Variants in CHKA observed in about 807,000 individuals in gnomAD.
CHKA encodes the protein CHETK-alpha.
CHKA carries 34 observed loss-of-function variants against 60.1 expected under a neutral mutation model. The ratio of observed to expected loss-of-function variants is 0.57; its 90% CI spans 0.43 to 0.75. The LOEUF (loss-of-function observed/expected upper bound fraction) is 0.75, where lower values mean the gene tolerates loss of function less well. CHKA is among the 30% of genes least tolerant of loss of function. The pLI is 0.00. For missense variants in CHKA, 563 were observed against 561.3 expected, an observed-to-expected ratio of 1.00 and a Z score of -0.03; for synonymous variants, 217 against 223.1, an observed-to-expected ratio of 0.97 and a Z score of 0.24.
intron 1 of CHKA, among the ~76,000 whole-genome samples, chr11:68,105,724 A>G (rs1033522294): frequency 3.3e-5 from 5 of 152,094 alleles, no homozygotes; most frequent in African/African-American, 1.2e-4. Flanking sequence ...AACCTGTAAC[A>G]CAAAGATTTC....
chr11:68,062,545 G>C (rs1487774882), intron 10 of CHKA, among the ~76,000 whole-genome samples: 1 of 152,200 alleles, frequency 6.6e-6, no homozygotes, highest in African/African-American at 2.4e-5. Context: ...GCAGATCAGA[G>C]AGCGTGAGCC....
At chr11:68,057,289 C>T (rs550213935) in intron 11 of CHKA, among the ~76,000 whole-genome samples, 22 of 152,310 alleles carry the variant, frequency 1.4e-4, no homozygotes, top group Admixed American at 1.3e-3. Context: ...CTTTATGTAA[C>T]CCAAGAAATC....
intron 9 of CHKA, among the ~76,000 whole-genome samples, chr11:68,065,341 T>C (rs1725581514): frequency 6.6e-6 from 1 of 152,232 alleles, no homozygotes; most frequent in African/African-American, 2.4e-5. Flanking sequence ...AGTTTGTGTC[T>C]ACATTTAACA....
chr11:68,076,411 T>C (rs1444441864), intron 3 of CHKA, among the ~76,000 whole-genome samples: 1 of 152,198 alleles, frequency 6.6e-6, no homozygotes, highest in Non-Finnish European at 1.5e-5. Context: ...TGTCCAGAGA[T>C]GCAGTCCCCA....
intron 3 of CHKA, among the ~76,000 whole-genome samples, chr11:68,081,198 ACT>A (rs1743680281): frequency 6.6e-6 from 1 of 152,094 alleles, no homozygotes; most frequent in African/African-American, 2.4e-5. Context: ...CACAGTCTAC[ACT>A]CTCAGGAGGA....
chr11:68,078,383 G>A (rs868471414), intron 3 of CHKA, among the ~76,000 whole-genome samples: 10 of 152,206 alleles, frequency 6.6e-5, no homozygotes, highest in Non-Finnish European at 1.5e-4. Context: ...AGGAAGGAGA[G>A]TGGTATTCCC....
intron 3 of CHKA, 91 bp downstream of exon 3, chr11:68,081,313 A>C: frequency 1.0e-6 from 1 of 974,664 alleles, no homozygotes; most frequent in Non-Finnish European, 1.6e-6. Flanking sequence ...TTCCAAGGGT[A>C]GATAAGAGGC....
rs1857885564 is a variant in CHKA, at chr11:68,105,548, AAAAG to A, written c.351-8422_351-8419del. Among the ~76,000 whole-genome samples the A allele has an allele frequency of 1.3e-5, 2 of 151,524 alleles. 1 individual carries two copies. Among genetic ancestry groups the A allele is most frequent in the South Asian group, 4.2e-4 (2 of 4,810 alleles). On this transcript the variant is annotated intron_variant, in intron 1 of 11. Transcript: ENST00000265689. ...AAAAAAAAAAAAAAAAAAGAAAAGA[AAAAG>A]AAAGAAATATGCCATCTCTAATGTC...
intron 1 of CHKA, among the ~76,000 whole-genome samples, chr11:68,105,031 G>A (rs189153284): frequency 1.6e-3 from 245 of 151,844 alleles, no homozygotes; most frequent in African/African-American, 5.6e-3. Flanking sequence ...TTGAACCCGG[G>A]AGATGGAGGC....
intron 1 of CHKA, among the ~76,000 whole-genome samples, chr11:68,113,000 T>C (rs1345285431): frequency 7.5e-6 from 1 of 133,900 alleles, no homozygotes; most frequent in Non-Finnish European, 1.5e-5. Flanking sequence ...GAAAATGGCG[T>C]GAAACCGGGA....
At chr11:68,083,590 C>T (rs1055795314) in intron 2 of CHKA, among the ~76,000 whole-genome samples, 1 of 152,134 alleles carries the variant, frequency 6.6e-6, no homozygotes, top group Non-Finnish European at 1.5e-5. Context: ...TTTCCCTTAT[C>T]TAATGGCGCT....
Position 68,121,351 on chromosome 11 carries a change from A to C in CHKA, c.-174T>G, listed in dbSNP as rs1194583271. On this transcript the variant is annotated 5_prime_UTR_variant, in exon 1 of 12. Coordinates refer to ENST00000265689, the MANE Select transcript of CHKA (RefSeq NM_001277.3). ...GCTGCGGCGACTGCGGCGACTGTGG[A>C]GCGGGGATGTGCTGCTGGCCGCTGC... is the stretch of plus-strand genomic sequence containing the variant. The C allele has an allele frequency of 8.3e-5, 13 of 157,128 alleles. No individual in the cohort carries two copies. The highest frequency in any genetic ancestry group is 2.8e-4 in the East Asian group (1 of 3,578). The allele number at this position is 157,128 out of a possible 1,614,324, so 9.7% of individuals were successfully genotyped here. A position where few individuals can be genotyped will look rare whatever the true frequency, so the allele number is the denominator to read the frequency against.
chr11:68,067,107 T>C (rs1044971767), intron 7 of CHKA, among the ~76,000 whole-genome samples: 7 of 152,198 alleles, frequency 4.6e-5, no homozygotes, highest in African/African-American at 9.6e-5. Flanking sequence ...TGGTCAGCCA[T>C]CAGCCTGGCT....
At chr11:68,074,437 T>C (rs1856719490) in intron 4 of CHKA, among the ~76,000 whole-genome samples, 1 of 152,192 alleles carries the variant, frequency 6.6e-6, no homozygotes, top group African/African-American at 2.4e-5. Context: ...AGGAACACGG[T>C]GAAAAGGGCA....
rs771562960 is a variant in CHKA, at chr11:68,054,004, C to T, written c.1358G>A (p.Arg453Lys). ...ARFDAYFHQK[R>K]KLGV ...TCCCCACAGTCACACCCCAAGCTTC[C>T]TCTTCTGGTGGAAATAGGCATCAAA... is the stretch of plus-strand genomic sequence containing the variant. The change falls in exon 12 of 12, where the codon AGG becomes AAG. Residue 453 changes from arginine (R) to lysine (K), a missense_variant. Coordinates refer to ENST00000265689, the MANE Select transcript of CHKA (RefSeq NM_001277.3). 1 of 1,613,718 alleles carries T rather than the reference C, an allele frequency of 6.2e-7. No homozygotes were observed. Among genetic ancestry groups the T allele is most frequent in the South Asian group, 1.1e-5 (1 of 90,884 alleles).
intron 1 of CHKA, among the ~76,000 whole-genome samples, chr11:68,117,046 G>C (rs778906179): frequency 2.0e-5 from 3 of 152,020 alleles, no homozygotes; most frequent in African/African-American, 7.2e-5. Flanking sequence ...ATGCCCTCTA[G>C]GAATTCAATC....
intron 2 of CHKA, among the ~76,000 whole-genome samples, 193 bp downstream of exon 2, chr11:68,096,826 T>TA (rs945219618): frequency 2.0e-5 from 3 of 151,998 alleles, no homozygotes; most frequent in Non-Finnish European, 2.9e-5. Flanking sequence ...AAATAATAAC[T>TA]AAAAAAAACA....
intron 1 of CHKA, among the ~76,000 whole-genome samples, chr11:68,116,052 C>T (rs904135460): frequency 1.3e-5 from 2 of 152,110 alleles, no homozygotes; most frequent in Non-Finnish European, 2.9e-5. Context: ...TTTCATGGGA[C>T]TCTCTCCATC....
chr11:68,096,720 T>C (rs984076155), intron 2 of CHKA, among the ~76,000 whole-genome samples: 2 of 152,168 alleles, frequency 1.3e-5, no homozygotes, highest in African/African-American at 2.4e-5. Flanking sequence ...TTAATCAATA[T>C]GTAGAACCAA....
Sources: gnomAD v4.1 joint callset for allele counts (sites outside exome capture counted in the v4.1 genomes callset) on GRCh38, gnomAD v4.1.1 for gene constraint, MANE v1.5 for transcripts, NCBI Gene and HGNC (gene_info 2026-07-23, HGNC 2026-07-21) for gene names.